Variants in CDK14 observed in about 807,000 individuals in gnomAD.
CDK14 encodes the protein cyclin-dependent kinase 14.
A neutral mutation model predicts 60.7 loss-of-function variants in CDK14; 34 were observed. That is an observed-to-expected ratio of 0.56 (90% CI 0.43 to 0.75). The LOEUF is 0.75. Ranked by LOEUF, CDK14 falls within the 30% of genes least tolerant of loss-of-function variation. CDK14 has a pLI of 0.00. For synonymous variants in CDK14, 197 were observed against 203.7 expected, an observed-to-expected ratio of 0.97 and a Z score of 0.28; for missense variants, 482 against 564.1, an observed-to-expected ratio of 0.85 and a Z score of 1.47.
intron 14 of CDK14, among the ~76,000 whole-genome samples, chr7:91,191,203 G>C (rs999541190): frequency 3.3e-5 from 5 of 151,896 alleles, no homozygotes; most frequent in African/African-American, 1.2e-4. Flanking sequence ...TACAGCTCCT[G>C]GTGCTTCTTT....
chr7:91,056,595 T>G (rs1426028916), intron 11 of CDK14, among the ~76,000 whole-genome samples: 1 of 150,982 alleles, frequency 6.6e-6, no homozygotes, highest in Non-Finnish European at 1.5e-5. Context: ...CGTGTGATGT[T>G]CCCCTTCCTG....
intron 2 of CDK14, among the ~76,000 whole-genome samples, chr7:90,673,916 T>C (rs750135890): frequency 1.3e-5 from 2 of 152,210 alleles, no homozygotes; most frequent in African/African-American, 2.4e-5. Context: ...AAGGACCTAA[T>C]AAGCTGAGTT....
chr7:91,150,013 C>T (rs1250605533), intron 14 of CDK14, among the ~76,000 whole-genome samples: 6 of 152,130 alleles, frequency 3.9e-5, no homozygotes, highest in African/African-American at 7.2e-5. Flanking sequence ...CCAGCTGCCA[C>T]GGTTACAGAG....
intron 2 of CDK14, among the ~76,000 whole-genome samples, chr7:90,685,227 A>C (rs577389857): frequency 6.6e-6 from 1 of 151,980 alleles, no homozygotes; most frequent in Non-Finnish European, 1.5e-5. Context: ...TGAATAATCC[A>C]TCTTTTCCCC....
intron 6 of CDK14, among the ~76,000 whole-genome samples, chr7:90,866,434 T>G (rs1250584660): frequency 6.6e-6 from 1 of 152,148 alleles, no homozygotes; most frequent in East Asian, 1.9e-4. Context: ...TACCCTTTTT[T>G]GAGGGAGATA....
intron 5 of CDK14, 62 bp downstream of exon 5, chr7:90,790,714 T>C (rs1004482173): frequency 5.9e-6 from 6 of 1,016,552 alleles, no homozygotes; most frequent in African/African-American, 1.6e-5. Context: ...GCTATTTTAA[T>C]ATTATACACC....
intron 2 of CDK14, among the ~76,000 whole-genome samples, chr7:90,721,937 G>C (rs1303058970): frequency 5.9e-5 from 9 of 152,280 alleles, no homozygotes; most frequent in Admixed American, 5.9e-4. Flanking sequence ...TTGCTGACAA[G>C]TTAATATAAG....
At chr7:90,665,860 C>G (rs1402633543) in intron 2 of CDK14, among the ~76,000 whole-genome samples, 1 of 152,166 alleles carries the variant, frequency 6.6e-6, no homozygotes, top group South Asian at 2.1e-4. Context: ...TTTAGCAAAT[C>G]AGTTCTGATA....
At chr7:90,693,051 CGTCTTTTAGCCTGTGTGT>C (rs1313047143) in intron 2 of CDK14, among the ~76,000 whole-genome samples, 1 of 152,036 alleles carries the variant, frequency 6.6e-6, no homozygotes, top group Non-Finnish European at 1.5e-5. Context: ...TGAAAGAATC[CGTCTTTTAGCCTGTGTGT>C]GAAAAGCCTG....
chr7:90,612,753 CAGAG>C (rs1312623314), intron 2 of CDK14, among the ~76,000 whole-genome samples: 2 of 122,350 alleles, frequency 1.6e-5, no homozygotes, highest in African/African-American at 3.2e-5. Context: ...GCCCGGGTGA[CAGAG>C]AGAGACTCTG....
At chr7:90,734,475 C>G (rs1584835766) in intron 3 of CDK14, among the ~76,000 whole-genome samples, 1 of 152,204 alleles carries the variant, frequency 6.6e-6, no homozygotes, top group Admixed American at 6.5e-5. Context: ...TCTTTTCTCA[C>G]AGTCCCGTAT....
intron 14 of CDK14, among the ~76,000 whole-genome samples, chr7:91,137,099 C>G (rs1465521831): frequency 6.6e-6 from 1 of 152,180 alleles, no homozygotes; most frequent in Admixed American, 6.5e-5. Context: ...TTAGAGCTTT[C>G]TAAATTTATA....
At chr7:90,863,698 T>TGTGTGTGTGTGTG (rs61201271) in intron 6 of CDK14, among the ~76,000 whole-genome samples, 25 of 58,462 alleles carry the variant, frequency 4.3e-4, no homozygotes, top group Admixed American at 3.0e-3. Context: ...GTGTGTGTGT[T>TGTGTGTGTGTGTG]TGTGTGTGTG....
intron 14 of CDK14, among the ~76,000 whole-genome samples, chr7:91,135,389 G>A (rs552518294): frequency 6.6e-6 from 1 of 152,296 alleles, no homozygotes; most frequent in South Asian, 2.1e-4. Context: ...TAGAGGCAGT[G>A]GCAGGACCAG....
At chr7:90,833,343 A>G (rs1037745969) in intron 5 of CDK14, among the ~76,000 whole-genome samples, 2 of 152,196 alleles carry the variant, frequency 1.3e-5, no homozygotes, top group African/African-American at 4.8e-5. Flanking sequence ...GGAAGCATTT[A>G]TAAATGCATA....
intron 5 of CDK14, among the ~76,000 whole-genome samples, chr7:90,860,830 A>G (rs1230663075): frequency 6.6e-6 from 1 of 152,126 alleles, no homozygotes; most frequent in Non-Finnish European, 1.5e-5. Context: ...GCCGCGTCTC[A>G]TTCCTTTTTT....
chr7:90,663,916 T>A (rs998079844), intron 2 of CDK14, among the ~76,000 whole-genome samples: 2 of 152,204 alleles, frequency 1.3e-5, no homozygotes, highest in African/African-American at 4.8e-5. Flanking sequence ...GTTGTTTTTT[T>A]TTCTGAGTGT....
intron 3 of CDK14, 29 bp from the exon 4 acceptor site, chr7:90,747,652 G>C: frequency 7.7e-7 from 1 of 1,306,522 alleles, no homozygotes; most frequent in Non-Finnish European, 1.1e-6. Context: ...GATACAATCT[G>C]TTTTGTTTAC....
intron 2 of CDK14, among the ~76,000 whole-genome samples, chr7:90,679,824 A>C (rs1164877845): frequency 6.6e-6 from 1 of 152,214 alleles, no homozygotes; most frequent in Non-Finnish European, 1.5e-5. Flanking sequence ...TTTAAGAATG[A>C]ATTTTTAAAA....
Sources: gnomAD v4.1 joint callset for allele counts (sites outside exome capture counted in the v4.1 genomes callset) on GRCh38, gnomAD v4.1.1 for gene constraint, MANE v1.5 for transcripts, NCBI Gene and HGNC (gene_info 2026-07-23, HGNC 2026-07-21) for gene names.